MYO18B: variants seen among roughly 807,000 people sequenced by gnomAD.
The protein encoded by MYO18B is myosin XVIIIB.
In MYO18B, 204 loss-of-function variants were observed where a neutral mutation model predicts 273.0. The observed-to-expected ratio is 0.75, with a 90% CI of 0.67 to 0.84. The LOEUF (loss-of-function observed/expected upper bound fraction) is 0.84, where lower values mean the gene tolerates loss of function less well. MYO18B is among the 40% of genes least tolerant of loss of function. MYO18B has a pLI of 0.00. For missense variants in MYO18B, 3,212 were observed against 3,287.6 expected, an observed-to-expected ratio of 0.98 and a Z score of 0.56; for synonymous variants, 1,330 against 1,305.7, an observed-to-expected ratio of 1.02 and a Z score of -0.40.
At chr22:25,770,024 A>G (rs1052592676) in intron 4 of MYO18B, 86 bp from the exon 5 acceptor site, 3 of 1,360,960 alleles carry the variant, frequency 2.2e-6, no homozygotes, top group Non-Finnish European at 3.2e-6. Flanking sequence ...ATGGCTCCAG[A>G]GCACACTGTG....
At chr22:25,784,749 G>T (rs919593560) in intron 10 of MYO18B, among the ~76,000 whole-genome samples, 1 of 152,214 alleles carries the variant, frequency 6.6e-6, no homozygotes, top group Non-Finnish European at 1.5e-5. Flanking sequence ...CCCGCCTTTG[G>T]CTTGCATTCC....
intron 34 of MYO18B, among the ~76,000 whole-genome samples, chr22:25,938,820 G>C (rs868551982): frequency 3.3e-5 from 5 of 152,138 alleles, no homozygotes; most frequent in Non-Finnish European, 5.9e-5. Context: ...TTAACACTAT[G>C]GAAGTGTTTG....
At chr22:25,755,076 C>T (rs991607770) in intron 1 of MYO18B, among the ~76,000 whole-genome samples, 1 of 152,210 alleles carries the variant, frequency 6.6e-6, no homozygotes, top group East Asian at 1.9e-4. Context: ...CTGTGAGTCA[C>T]TCGGGGGCCT....
chr22:26,063,144 T>G, the MYO18B span, among the ~76,000 whole-genome samples: 3 of 152,134 alleles, frequency 2.0e-5, no homozygotes, highest in African/African-American at 4.8e-5. Context: ...ATGATTTACT[T>G]GGTGCAACTA....
chr22:25,876,224 T>C lies in MYO18B; in HGVS notation c.4116T>C (p.Asn1372=), dbSNP rs368463999. 4.1e-3 allele frequency: 6,655 copies of C among 1,613,406 alleles called. 323 individuals are homozygous for C. The South Asian group carries it at 0.068, about 17-fold the overall frequency. Residue 1372 remains asparagine, a synonymous_variant, in exon 24 of 44, where the codon AAT becomes AAC. Transcript: ENST00000335473. ...TGGCTGCACAGTGCATCCAGAAGAATGTGGCTGTGTTCCTCGCAGTCAAGG... is the reference window on the plus strand; with the variant it reads ...TGGCTGCACAGTGCATCCAGAAGAACGTGGCTGTGTTCCTCGCAGTCAAGG... ...RRLAAQCIQK[N]VAVFLAVKDW...
At chr22:25,849,547 T>G (rs185817753) in intron 20 of MYO18B, among the ~76,000 whole-genome samples, 1 of 152,212 alleles carries the variant, frequency 6.6e-6, no homozygotes. Flanking sequence ...TACTACGTAC[T>G]AGACACTGTG....
At chr22:26,057,801 A>AT in the MYO18B span, among the ~76,000 whole-genome samples, 13 of 152,306 alleles carry the variant, frequency 8.5e-5, no homozygotes, top group Admixed American at 2.0e-4. Flanking sequence ...AGTAACACTA[A>AT]TTTTAAATGC....
intron 9 of MYO18B, among the ~76,000 whole-genome samples, chr22:25,780,840 T>C (rs2087118466): frequency 6.6e-6 from 1 of 152,058 alleles, no homozygotes; most frequent in Non-Finnish European, 1.5e-5. Context: ...AAAGCGCAAG[T>C]TGAAATTAAA....
chr22:25,799,173 G>A (rs2088072970), intron 12 of MYO18B, among the ~76,000 whole-genome samples: 2 of 136,570 alleles, frequency 1.5e-5, no homozygotes, highest in East Asian at 2.4e-4. Context: ...TTGGATAGGT[G>A]CAGTAGCCTC....
chr22:25,839,968 C>G (rs575824466), intron 17 of MYO18B, among the ~76,000 whole-genome samples: 1 of 152,196 alleles, frequency 6.6e-6, no homozygotes, highest in Admixed American at 6.5e-5. Flanking sequence ...CCACCTCCCC[C>G]TCCTTCAGCT....
chr22:25,926,295 T>G (rs990448955), intron 34 of MYO18B, among the ~76,000 whole-genome samples: 1 of 151,972 alleles, frequency 6.6e-6, no homozygotes, highest in African/African-American at 2.4e-5. Context: ...GAAAGGTGTT[T>G]TTTTTTTTAA....
chr22:25,755,920 T>G (rs1389763228), intron 1 of MYO18B, among the ~76,000 whole-genome samples: 1 of 151,686 alleles, frequency 6.6e-6, no homozygotes, highest in East Asian at 1.9e-4. Context: ...TTTTTTTTCT[T>G]TCCCCCCACC....
chr22:25,932,241 T>A (rs1025942655), intron 34 of MYO18B, among the ~76,000 whole-genome samples: 17 of 152,194 alleles, frequency 1.1e-4, no homozygotes, highest in Non-Finnish European at 5.9e-5. Context: ...GCGATCTGGT[T>A]CTCTCTATAA....
At chr22:25,997,295 ACT>A (rs1207719178) in intron 40 of MYO18B, among the ~76,000 whole-genome samples, 2 of 114,624 alleles carry the variant, frequency 1.7e-5, no homozygotes, top group African/African-American at 6.9e-5. Flanking sequence ...ACAGAGTGAA[ACT>A]CTGTCGCCAA....
intron 1 of MYO18B, among the ~76,000 whole-genome samples, chr22:25,744,580 A>G (rs1468422989): frequency 2.6e-5 from 4 of 151,996 alleles, no homozygotes; most frequent in Non-Finnish European, 4.4e-5. Context: ...AAACACAAAA[A>G]AAAATTAGCC....
chr22:25,973,251 C>A (rs1339521272), intron 39 of MYO18B, among the ~76,000 whole-genome samples: 3 of 152,168 alleles, frequency 2.0e-5, no homozygotes, highest in Admixed American at 2.0e-4. Context: ...AGAGCTTACT[C>A]TTAAAAATGG....
chr22:25,877,476 T>C lies in MYO18B; in HGVS notation c.4225-483T>C, dbSNP rs116101273. Among the ~76,000 whole-genome samples the C allele has an allele frequency of 5.0e-3, 766 of 152,272 alleles. 2 individuals carry two copies. The highest frequency in any genetic ancestry group is 0.016 in the African/African-American group (672 of 41,552). Reference sequence around the variant, plus strand: ...TGGTGAAAGCACTTAAAATCTACTTTTTGTTTTTGAGATGGAGTCTCGCTC... The same window carrying C: ...TGGTGAAAGCACTTAAAATCTACTTCTTGTTTTTGAGATGGAGTCTCGCTC... On this transcript the variant is annotated intron_variant, in intron 24 of 43. Coordinates refer to ENST00000335473, the MANE Select transcript of MYO18B (RefSeq NM_032608.7).
Position 25,768,227 on chromosome 22 carries a change from T to G in MYO18B, c.311T>G (p.Ile104Ser). The G allele has an allele frequency of 1.2e-6, 2 of 1,613,964 alleles. No homozygotes were observed. Among genetic ancestry groups the G allele is most frequent in the Non-Finnish European group, 1.7e-6 (2 of 1,179,876 alleles). The stretch of plus-strand genomic sequence containing the variant: ...TCAAGCTCTCCTGGGAGCTCAGACA[T>G]TCTGGGCAAGGAGAGCGAGGGGTCC... ...DQSSSPGSSD[I>S]LGKESEGSRS... Residue 104 changes from isoleucine to serine, a missense_variant, in exon 4 of 44, where the codon ATT becomes AGT. By Grantham distance (142) the Ile-to-Ser change is moderately radical. Transcript: ENST00000335473.
chr22:25,845,410 G>A lies in MYO18B; in HGVS notation c.3369-690G>A, dbSNP rs996111891. Reference sequence around the variant, plus strand: ...CGTGTGCCTATAGTCCCAGCTACTCGGGAGGCTGAAGCAGGAGAATCGCTT... The same window carrying A: ...CGTGTGCCTATAGTCCCAGCTACTCAGGAGGCTGAAGCAGGAGAATCGCTT... On this transcript the variant is annotated intron_variant, in intron 18 of 43. Coordinates refer to ENST00000335473, the MANE Select transcript of MYO18B (RefSeq NM_032608.7). 2.0e-5 allele frequency among the ~76,000 whole-genome samples: 3 copies of A among 152,126 alleles called. 1 individual carries two copies. Among genetic ancestry groups the A allele is most frequent in the South Asian group, 4.1e-4 (2 of 4,828 alleles).
Sources: gnomAD v4.1 joint callset for allele counts (sites outside exome capture counted in the v4.1 genomes callset) on GRCh38, gnomAD v4.1.1 for gene constraint, MANE v1.5 for transcripts, NCBI Gene and HGNC (gene_info 2026-07-23, HGNC 2026-07-21) for gene names.